FAR2: variants seen among roughly 807,000 people sequenced by gnomAD.
FAR2 encodes the protein fatty acyl-CoA reductase 2, also known as epididymis secretory protein Li 81.
In FAR2, 19 loss-of-function variants were observed where a neutral mutation model predicts 56.0. The observed-to-expected ratio is 0.34, with a 90% CI of 0.24 to 0.50. FAR2 has a LOEUF of 0.50. Ranked by LOEUF, FAR2 falls within the 20% of genes least tolerant of loss-of-function variation. The pLI is 0.98. For missense variants in FAR2, 508 were observed against 642.2 expected (o/e 0.79, Z 2.26); for synonymous variants, 219 against 218.8 (o/e 1.00, Z -0.01).
intron 1 of FAR2, chr12:29,151,547 C>T (rs1949681589): frequency 6.6e-6 from 1 of 152,220 alleles, no homozygotes; most frequent in Admixed American, 6.5e-5. Flanking sequence ...CTATCACCGT[C>T]TGCTGGCTTA....
At chr12:29,215,411 G>A (rs1947610766) in intron 1 of FAR2, among the ~76,000 whole-genome samples, 2 of 152,156 alleles carry the variant, frequency 1.3e-5, no homozygotes, top group Non-Finnish European at 2.9e-5. Flanking sequence ...TTGATGTTAT[G>A]TTTGGTCTGT....
chr12:29,318,557 A>C (rs1020146611), intron 9 of FAR2, among the ~76,000 whole-genome samples: 19 of 152,150 alleles, frequency 1.2e-4, no homozygotes, highest in Non-Finnish European at 2.5e-4. Flanking sequence ...TTTTAGCAAT[A>C]ATCTTTATGG....
intron 1 of FAR2, among the ~76,000 whole-genome samples, chr12:29,259,578 A>C (rs1948383362): frequency 6.6e-6 from 1 of 152,208 alleles, no homozygotes; most frequent in African/African-American, 2.4e-5. Context: ...ACCTATAATG[A>C]TTTAATATTT....
At chr12:29,244,341 A>G (rs935428467) in intron 1 of FAR2, among the ~76,000 whole-genome samples, 1 of 152,200 alleles carries the variant, frequency 6.6e-6, no homozygotes, top group African/African-American at 2.4e-5. Context: ...GTAGCTTCTT[A>G]TTAGTGTCAG....
chr12:29,155,000 A>G (rs10843334), intron 1 of FAR2, among the ~76,000 whole-genome samples: 16,430 of 152,226 alleles, frequency 0.11, 926 homozygotes, highest in East Asian at 0.16. Context: ...GGAAAGCGGG[A>G]GACTGGAATT....
intron 1 of FAR2, among the ~76,000 whole-genome samples, chr12:29,216,817 T>G (rs1018708928): frequency 9.9e-5 from 15 of 152,202 alleles, no homozygotes; most frequent in Non-Finnish European, 1.6e-4. Flanking sequence ...AATGTCAAAT[T>G]ATTAAACTTT....
chr12:29,200,779 G>A (rs778390027), intron 1 of FAR2, among the ~76,000 whole-genome samples: 8 of 152,166 alleles, frequency 5.3e-5, no homozygotes, highest in Non-Finnish European at 1.0e-4. Context: ...GGGTGCTTAA[G>A]TGCGTTTTAC....
intron 2 of FAR2, chr12:29,277,719 G>T (rs549275983): frequency 6.6e-6 from 1 of 152,276 alleles, no homozygotes; most frequent in South Asian, 2.1e-4. Context: ...GAAAATGCAG[G>T]AGGGCATTTC....
chr12:29,221,155 C>G lies in FAR2; in HGVS notation c.-38-49257C>G, dbSNP rs1291865592. 2.0e-5 allele frequency among the ~76,000 whole-genome samples: 3 copies of G among 152,220 alleles called. No homozygotes were observed. In the East Asian group the frequency reaches 5.8e-4, roughly 29 times the overall value. ...GGTCATATACCCGTAAAATCAGCCG[C>G]TTTACCTCTTAGTGCGCATGCTCAA... On this transcript the variant is annotated intron_variant, in intron 1 of 11. Transcript: ENST00000536681.
chr12:29,322,789 G>T (rs1949574526), intron 10 of FAR2, among the ~76,000 whole-genome samples: 2 of 152,160 alleles, frequency 1.3e-5, no homozygotes, highest in Non-Finnish European at 2.9e-5. Flanking sequence ...AAGTCACACT[G>T]GGGAGTAAAT....
chr12:29,159,132 C>T (rs1949756730), intron 1 of FAR2, among the ~76,000 whole-genome samples: 1 of 152,200 alleles, frequency 6.6e-6, no homozygotes, highest in African/African-American at 2.4e-5. Context: ...TAATGATACC[C>T]AATGTGTAAA....
At chr12:29,325,782 C>A (rs1181889986) in intron 10 of FAR2, among the ~76,000 whole-genome samples, 1 of 151,890 alleles carries the variant, frequency 6.6e-6, no homozygotes, top group African/African-American at 2.4e-5. Flanking sequence ...GCACTAAATG[C>A]CCACAAGAGA....
At chr12:29,243,937 CG>C (rs1565485413) in intron 1 of FAR2, among the ~76,000 whole-genome samples, 1 of 152,140 alleles carries the variant, frequency 6.6e-6, no homozygotes, top group East Asian at 1.9e-4. Flanking sequence ...GGTGGTGTCT[CG>C]TTCATCATAG....
At chr12:29,238,678 C>T (rs1202020487) in intron 1 of FAR2, among the ~76,000 whole-genome samples, 1 of 152,138 alleles carries the variant, frequency 6.6e-6, no homozygotes, top group Non-Finnish European at 1.5e-5. Context: ...ACATTTGTGA[C>T]ATTTAATCCC....
chr12:29,177,435 A>T (rs1949949309), intron 1 of FAR2, among the ~76,000 whole-genome samples: 2 of 152,230 alleles, frequency 1.3e-5, no homozygotes, highest in African/African-American at 4.8e-5. Context: ...CTTCTGTGAA[A>T]AAAGTGTGGA....
intron 1 of FAR2, among the ~76,000 whole-genome samples, chr12:29,238,063 A>T (rs1037450251): frequency 6.6e-6 from 1 of 152,172 alleles, no homozygotes; most frequent in African/African-American, 2.4e-5. Context: ...AAGTTCACTG[A>T]TATGGTTTTA....
chr12:29,314,375 T>C (rs1327065574), intron 8 of FAR2, among the ~76,000 whole-genome samples: 1 of 151,562 alleles, frequency 6.6e-6, no homozygotes, highest in Admixed American at 6.6e-5. Context: ...TTTAGTAGAC[T>C]CCACTACTTA....
chr12:29,169,902 C>G (rs1949869025), intron 1 of FAR2, among the ~76,000 whole-genome samples: 1 of 152,182 alleles, frequency 6.6e-6, no homozygotes, highest in Non-Finnish European at 1.5e-5. Flanking sequence ...CACTCTTGGA[C>G]TTGAGCTTTG....
chr12:29,235,637 T>C (rs11050146), intron 1 of FAR2, among the ~76,000 whole-genome samples: 13,619 of 152,220 alleles, frequency 0.089, 669 homozygotes, highest in South Asian at 0.17. Flanking sequence ...CAAGAACTTT[T>C]CACTGCATGT....
Sources: gnomAD v4.1 joint callset for allele counts (sites outside exome capture counted in the v4.1 genomes callset) on GRCh38, gnomAD v4.1.1 for gene constraint, MANE v1.5 for transcripts, NCBI Gene and HGNC (gene_info 2026-07-23, HGNC 2026-07-21) for gene names.